SERGEF: variants seen among roughly 807,000 people sequenced by gnomAD.
SERGEF encodes secretion-regulating guanine nucleotide exchange factor.
In SERGEF, 51 loss-of-function variants were observed where a neutral mutation model predicts 50.0. The observed-to-expected ratio is 1.02, with a 90% CI of 0.81 to 1.29. The LOEUF (loss-of-function observed/expected upper bound fraction) is 1.29. Among genes scored for constraint, SERGEF ranks in the 50% most tolerant of loss-of-function variants. SERGEF has a pLI of 0.00. For missense variants in SERGEF, 521 were observed against 557.0 expected, an observed-to-expected ratio of 0.94 and a Z score of 0.65; for synonymous variants, 205 against 212.4, an observed-to-expected ratio of 0.97 and a Z score of 0.30.
At chr11:17,999,280 G>A (rs1274136983) in intron 5 of SERGEF, among the ~76,000 whole-genome samples, 1 of 152,168 alleles carries the variant, frequency 6.6e-6, no homozygotes, top group Non-Finnish European at 1.5e-5. Flanking sequence ...TATCTTGACT[G>A]TATCAATGTT....
Position 17,995,919 on chromosome 11 carries a change from A to T in SERGEF, c.509-10T>A, listed in dbSNP as rs1853828586. 6.3e-7 allele frequency: 1 copy of T among 1,584,076 alleles called. No individual in the cohort carries two copies. Among genetic ancestry groups the T allele is most frequent in the Non-Finnish European group, 8.7e-7 (1 of 1,153,494 alleles). On this transcript the variant is annotated splice_polypyrimidine_tract_variant and intron_variant, in intron 5 of 10. Coordinates refer to ENST00000265965, the MANE Select transcript of SERGEF (RefSeq NM_012139.4). ...AACACGATGCCACTCGCTTCCCAAC[A>T]GAATGGAAGAGAAAGCAGAGAAGAT...
intron 9 of SERGEF, among the ~76,000 whole-genome samples, chr11:17,950,655 C>G (rs558136806): frequency 1.3e-5 from 2 of 152,234 alleles, no homozygotes; most frequent in South Asian, 4.1e-4. Flanking sequence ...TAGTTTTAGT[C>G]CCCTGACAAG....
At chr11:17,989,852 T>C (rs1346448969) in intron 7 of SERGEF, among the ~76,000 whole-genome samples, 1 of 152,232 alleles carries the variant, frequency 6.6e-6, no homozygotes, top group Non-Finnish European at 1.5e-5. Context: ...TAATTTGATA[T>C]GGGTTACATG....
intron 8 of SERGEF, among the ~76,000 whole-genome samples, chr11:17,969,613 G>C (rs1181047676): frequency 6.6e-6 from 1 of 152,064 alleles, no homozygotes; most frequent in Admixed American, 6.5e-5. Context: ...GCTAAAAGAG[G>C]GGAATGATCT....
chr11:17,956,157 T>TA (rs35029216), intron 9 of SERGEF, among the ~76,000 whole-genome samples: 3,330 of 152,308 alleles, frequency 0.022, 53 homozygotes, highest in Middle Eastern at 0.034. Context: ...CTACAAGGTC[T>TA]AAAATCTCAA....
intron 9 of SERGEF, among the ~76,000 whole-genome samples, chr11:17,881,400 T>C (rs1462100121): frequency 1.3e-5 from 2 of 152,166 alleles, no homozygotes; most frequent in Non-Finnish European, 2.9e-5. Flanking sequence ...AGCTTGAAGC[T>C]CAAAGTTCCC....
At chr11:17,856,133 TC>T (rs1428264424) in intron 10 of SERGEF, 1 of 152,280 alleles carries the variant, frequency 6.6e-6, no homozygotes, top group East Asian at 1.9e-4. Flanking sequence ...TATAGGAATG[TC>T]TTCAGACTAC....
chr11:17,820,476 C>A (rs958036806), intron 10 of SERGEF, among the ~76,000 whole-genome samples: 12 of 152,174 alleles, frequency 7.9e-5, no homozygotes, highest in Non-Finnish European at 1.6e-4. Flanking sequence ...TCGGACAAAG[C>A]CAGGTTGCAA....
At chr11:17,944,625 A>G (rs1852621301) in intron 9 of SERGEF, among the ~76,000 whole-genome samples, 1 of 152,054 alleles carries the variant, frequency 6.6e-6, no homozygotes, top group South Asian at 2.1e-4. Flanking sequence ...TTTATAGTTG[A>G]TTTCTGTAGG....
chr11:17,892,726 G>A (rs1226154697), intron 9 of SERGEF, among the ~76,000 whole-genome samples: 1 of 152,176 alleles, frequency 6.6e-6, no homozygotes, highest in East Asian at 1.9e-4. Flanking sequence ...AGACTACCAG[G>A]AACTTGTGTG....
At chr11:17,944,111 T>C (rs1256159776) in intron 9 of SERGEF, among the ~76,000 whole-genome samples, 4 of 152,134 alleles carry the variant, frequency 2.6e-5, no homozygotes, top group Non-Finnish European at 4.4e-5. Flanking sequence ...ATATTTTTAG[T>C]AGAGACGGGG....
intron 10 of SERGEF, among the ~76,000 whole-genome samples, chr11:17,838,846 T>C (rs1362930115): frequency 1.3e-5 from 2 of 152,190 alleles, no homozygotes; most frequent in African/African-American, 2.4e-5. Context: ...ATGAGTGCCA[T>C]TGGTGGGATG....
intron 10 of SERGEF, among the ~76,000 whole-genome samples, chr11:17,877,578 G>C (rs941296040): frequency 6.6e-6 from 1 of 152,300 alleles, no homozygotes; most frequent in African/African-American, 2.4e-5. Context: ...CAGGCAGTCT[G>C]GCCCTACACT....
At chr11:17,928,315 C>T (rs1852288061) in intron 9 of SERGEF, among the ~76,000 whole-genome samples, 1 of 152,092 alleles carries the variant, frequency 6.6e-6, no homozygotes, top group Non-Finnish European at 1.5e-5. Context: ...ACTGTCTGAG[C>T]CTAGACAGTA....
At chr11:17,945,280 T>C (rs1221619126) in intron 9 of SERGEF, among the ~76,000 whole-genome samples, 3 of 152,232 alleles carry the variant, frequency 2.0e-5, no homozygotes, top group African/African-American at 7.2e-5. Flanking sequence ...TAATAATACA[T>C]CAGGTATTAC....
At chr11:18,000,818 C>G in intron 4 of SERGEF, 1 of 624,272 alleles carries the variant, frequency 1.6e-6, no homozygotes, top group Non-Finnish European at 3.0e-6. Flanking sequence ...TCATCTAGTC[C>G]AAGAGTTAGT....
chr11:17,960,236 G>C (rs1419327201), intron 8 of SERGEF, among the ~76,000 whole-genome samples: 2 of 151,968 alleles, frequency 1.3e-5, no homozygotes, highest in Non-Finnish European at 2.9e-5. Context: ...GGAAGGGAGT[G>C]AGAGAAGAAA....
chr11:17,805,932 T>C (rs1849752063), intron 10 of SERGEF, among the ~76,000 whole-genome samples: 1 of 152,228 alleles, frequency 6.6e-6, no homozygotes, highest in Non-Finnish European at 1.5e-5. Flanking sequence ...ATACCATTTA[T>C]TGGGCCCAAA....
intron 10 of SERGEF, among the ~76,000 whole-genome samples, chr11:17,859,672 C>T (rs1222389152): frequency 4.6e-5 from 7 of 151,822 alleles, no homozygotes; most frequent in Non-Finnish European, 1.0e-4. Flanking sequence ...AGAGAAGTTC[C>T]TAAGAATTTC....
Sources: allele counts gnomAD v4.1 joint callset (sites outside exome capture counted in the v4.1 genomes callset), GRCh38; gene constraint gnomAD v4.1.1; transcripts MANE v1.5; gene names NCBI Gene and HGNC (gene_info 2026-07-23, HGNC 2026-07-21).